ST18: variants seen among roughly 807,000 people sequenced by gnomAD.
ST18 encodes ST18 C2H2C-type zinc finger transcription factor.
A neutral mutation model predicts 110.0 loss-of-function variants in ST18; 50 were observed. The observed-to-expected ratio is 0.45, with a 90% CI of 0.36 to 0.58. The LOEUF (loss-of-function observed/expected upper bound fraction) is 0.58, where lower values mean the gene tolerates loss of function less well. Ranked by LOEUF, ST18 falls within the 20% of genes least tolerant of loss-of-function variation. The probability of loss-of-function intolerance (pLI) is 0.00; values close to 1 mark genes in which losing one functional copy is unlikely to be tolerated. For missense variants in ST18, 1,306 were observed against 1,280.1 expected (o/e 1.02, Z -0.31); for synonymous variants, 461 against 452.4 (o/e 1.02, Z -0.24).
At chr8:52,276,132 A>ACACACACCCCATACATACCACACT (rs2095242719) in intron 2 of ST18, among the ~76,000 whole-genome samples, 1 of 2,066 alleles carries the variant, frequency 4.8e-4, no homozygotes. Context: ...CACATACCAC[A>ACACACACCCCATACATACCACACT]CACACACCAC....
At chr8:52,178,022 C>A (rs2067593569) in intron 9 of ST18, among the ~76,000 whole-genome samples, 1 of 152,076 alleles carries the variant, frequency 6.6e-6, no homozygotes, top group Non-Finnish European at 1.5e-5. Flanking sequence ...TTTTTGTGAA[C>A]CTGCAAATAG....
intron 2 of ST18, among the ~76,000 whole-genome samples, chr8:52,379,248 C>T (rs1003372861): frequency 2.6e-5 from 4 of 151,836 alleles, no homozygotes; most frequent in African/African-American, 9.7e-5. Context: ...CAGGTGTGCA[C>T]GGTTACGCCC....
intron 11 of ST18, among the ~76,000 whole-genome samples, 198 bp downstream of exon 11, chr8:52,166,654 T>C (rs146894165): frequency 3.9e-4 from 60 of 152,388 alleles, no homozygotes; most frequent in African/African-American, 1.3e-3. Flanking sequence ...CAATTGTCTC[T>C]TGATCTGTTG....
At chr8:52,303,044 A>C (rs2095754609) in intron 2 of ST18, among the ~76,000 whole-genome samples, 1 of 152,240 alleles carries the variant, frequency 6.6e-6, no homozygotes, top group Admixed American at 6.5e-5. Flanking sequence ...AAAAAGAGTA[A>C]CGTTATTGTA....
intron 8 of ST18, among the ~76,000 whole-genome samples, chr8:52,186,769 C>G (rs889975803): frequency 2.6e-5 from 4 of 152,152 alleles, no homozygotes; most frequent in African/African-American, 9.7e-5. Flanking sequence ...ATCCGATACA[C>G]ATATGGTTGA....
rs190086212 is a variant in ST18 at position 52,231,711 on chromosome 8, G to A, written c.-464-1634C>T. Among the ~76,000 whole-genome samples the A allele has an allele frequency of 1.1e-3, 164 of 152,274 alleles. 4 individuals are homozygous for A. In the East Asian group the frequency reaches 0.026, roughly 24 times the overall value. On this transcript the variant is annotated intron_variant, in intron 2 of 25. Coordinates refer to ENST00000689386, the MANE Select transcript of ST18 (RefSeq NM_001352837.2). ...AGGATGGTCTTGATCTCTTGACCTC[G>A]TGATCCGCCAGCCGCGGCCTCCCAA... is the stretch of plus-strand genomic sequence containing the variant.
intron 2 of ST18, among the ~76,000 whole-genome samples, chr8:52,298,857 C>A (rs1274932834): frequency 6.6e-6 from 1 of 152,134 alleles, no homozygotes; most frequent in Non-Finnish European, 1.5e-5. Flanking sequence ...TGAAGATAAT[C>A]TCCCCTCTCT....
intron 2 of ST18, among the ~76,000 whole-genome samples, chr8:52,260,050 C>A (rs1224137135): frequency 6.6e-6 from 1 of 152,120 alleles, no homozygotes; most frequent in Non-Finnish European, 1.5e-5. Context: ...CAGTAAGAAA[C>A]CTTACCTATT....
intron 2 of ST18, among the ~76,000 whole-genome samples, chr8:52,330,303 C>T (rs113400689): frequency 1.3e-4 from 20 of 152,268 alleles, no homozygotes; most frequent in African/African-American, 4.3e-4. Flanking sequence ...CCATCCCTTT[C>T]GAGGCATTTT....
At chr8:52,321,147 G>A (rs943510726) in intron 2 of ST18, among the ~76,000 whole-genome samples, 3 of 152,166 alleles carry the variant, frequency 2.0e-5, no homozygotes, top group Admixed American at 6.5e-5. Context: ...CTATATGCAT[G>A]TGTGCAGAAA....
At chr8:52,356,828 C>A (rs1590202153) in intron 2 of ST18, among the ~76,000 whole-genome samples, 1 of 151,954 alleles carries the variant, frequency 6.6e-6, no homozygotes, top group East Asian at 1.9e-4. Context: ...GAGTTGAAAA[C>A]CAAAATAAAT....
At chr8:52,299,689 T>A (rs1183001007) in intron 2 of ST18, among the ~76,000 whole-genome samples, 2 of 152,222 alleles carry the variant, frequency 1.3e-5, no homozygotes, top group Non-Finnish European at 2.9e-5. Context: ...CTTCTGTCAA[T>A]CACCTGAAAG....
At chr8:52,296,541 C>T (rs575408266) in intron 2 of ST18, 57 of 152,226 alleles carry the variant, frequency 3.7e-4, no homozygotes, top group African/African-American at 1.3e-3. Context: ...GAGTTCTGAC[C>T]GTCACTTACT....
intron 2 of ST18, among the ~76,000 whole-genome samples, chr8:52,231,644 T>A (rs2091395121): frequency 6.6e-6 from 1 of 152,174 alleles, no homozygotes; most frequent in Non-Finnish European, 1.5e-5. Context: ...GCCCAGTGAA[T>A]TTTTGTATTT....
intron 22 of ST18, among the ~76,000 whole-genome samples, chr8:52,129,994 G>A (rs1339604583): frequency 6.6e-6 from 1 of 151,262 alleles, no homozygotes; most frequent in Non-Finnish European, 1.5e-5. Flanking sequence ...GCAGTGAGCC[G>A]AGGTCGAGCC....
chr8:52,262,791 C>T (rs1283632730), intron 2 of ST18, among the ~76,000 whole-genome samples: 1 of 152,364 alleles, frequency 6.6e-6, no homozygotes, highest in East Asian at 1.9e-4. Flanking sequence ...ACCTCCTACT[C>T]GCTGCACACA....
chr8:52,262,312 C>T (rs55655408), intron 2 of ST18, among the ~76,000 whole-genome samples: 8,563 of 152,240 alleles, frequency 0.056, 803 homozygotes, highest in African/African-American at 0.2. Context: ...TTTTGGGGTG[C>T]GCATTCAAAC....
chr8:52,388,828 G>T (rs545223115), intron 2 of ST18, among the ~76,000 whole-genome samples: 17 of 121,112 alleles, frequency 1.4e-4, no homozygotes, highest in South Asian at 3.4e-4. Flanking sequence ...GGTGGGGGGA[G>T]GGGGGAGGGA....
At chr8:52,231,734 C>A (rs1285089875) in intron 2 of ST18, among the ~76,000 whole-genome samples, 2 of 152,194 alleles carry the variant, frequency 1.3e-5, no homozygotes, top group Non-Finnish European at 2.9e-5. Flanking sequence ...CGCGGCCTCC[C>A]AAGGTGCTGG....
Sources: allele counts gnomAD v4.1 joint callset (sites outside exome capture counted in the v4.1 genomes callset), GRCh38; gene constraint gnomAD v4.1.1; transcripts MANE v1.5; gene names NCBI Gene and HGNC (gene_info 2026-07-23, HGNC 2026-07-21).